The following TUSC3 variants were observed in gnomAD, a reference collection of about 807,000 sequenced individuals.
TUSC3 encodes the protein tumor suppressor candidate 3.
TUSC3 carries 45 observed loss-of-function variants against 44.8 expected under a neutral mutation model. The observed-to-expected ratio is 1.00, with a 90% CI of 0.79 to 1.29. TUSC3 has a LOEUF of 1.29. Ranked by LOEUF, TUSC3 falls within the 50% of genes most tolerant of loss-of-function variation. The probability of loss-of-function intolerance (pLI) is 0.00; values close to 1 mark genes in which losing one functional copy is unlikely to be tolerated. For synonymous variants in TUSC3, 212 were observed against 152.9 expected (o/e 1.39, Z -2.85); for missense variants, 519 against 437.9 (o/e 1.19, Z -1.65).
chr8:15,709,126 C>G (rs1274037746), intron 6 of TUSC3, among the ~76,000 whole-genome samples: 1 of 151,638 alleles, frequency 6.6e-6, no homozygotes, highest in Non-Finnish European at 1.5e-5. Context: ...AGAGGATAGC[C>G]AAATGTTAGA....
intron 2 of TUSC3, among the ~76,000 whole-genome samples, chr8:15,644,594 C>A (rs1365073884): frequency 3.3e-5 from 5 of 152,082 alleles, no homozygotes; most frequent in African/African-American, 9.7e-5. Context: ...GTTAGGTTTT[C>A]TCTGTCCCCT....
At chr8:15,827,447 T>C in the TUSC3 span, among the ~76,000 whole-genome samples, 1 of 152,178 alleles carries the variant, frequency 6.6e-6, no homozygotes, top group African/African-American at 2.4e-5. Context: ...GTGTTCAGTT[T>C]ACATTGGGTT....
chr8:15,514,519 C>G (rs1044678757), intron 2 of TUSC3, among the ~76,000 whole-genome samples: 1 of 152,074 alleles, frequency 6.6e-6, no homozygotes, highest in Non-Finnish European at 1.5e-5. Context: ...GTAGACTTAC[C>G]TTACAATCAT....
At chr8:15,837,546 T>C in the TUSC3 span, among the ~76,000 whole-genome samples, 1 of 152,240 alleles carries the variant, frequency 6.6e-6, no homozygotes, top group African/African-American at 2.4e-5. Context: ...TTTAGCAATA[T>C]TAATCATCAT....
At chr8:15,534,350 A>C (rs2129131026) in intron 2 of TUSC3, among the ~76,000 whole-genome samples, 1 of 152,256 alleles carries the variant, frequency 6.6e-6, no homozygotes, top group African/African-American at 2.4e-5. Flanking sequence ...TATCTGATAA[A>C]AACTTTAGCC....
rs1022780325 is a variant in TUSC3, at chr8:15,441,740, T to C, written n.91+24435T>C. ...ATATTATTACAGAGAACAGGGGGTA[T>C]GTATTGAAGCAGTGATGAAAGCTGA... On this transcript the variant is annotated intron_variant and non_coding_transcript_variant, in intron 1 of 5. Coordinates refer to the TUSC3 transcript ENST00000503191. 2.0e-5 allele frequency among the ~76,000 whole-genome samples: 3 copies of C among 151,932 alleles called. No individual in the cohort carries two copies. In the East Asian group the frequency reaches 5.8e-4, roughly 29 times the overall value.
intron 2 of TUSC3, among the ~76,000 whole-genome samples, chr8:15,491,632 C>G (rs77024184): frequency 0.022 from 3,423 of 152,258 alleles, 135 homozygotes; most frequent in African/African-American, 0.077. Flanking sequence ...AAGTGATTCT[C>G]TAACCCTTCT....
At chr8:15,849,577 G>T in the TUSC3 span, among the ~76,000 whole-genome samples, 24 of 152,250 alleles carry the variant, frequency 1.6e-4, no homozygotes, top group Admixed American at 4.6e-4. Flanking sequence ...AATCTCCCCT[G>T]CAACAAAGTG....
At chr8:15,425,268 GTT>G (rs1284591626) in intron 1 of TUSC3, among the ~76,000 whole-genome samples, 1 of 152,220 alleles carries the variant, frequency 6.6e-6, no homozygotes, top group Non-Finnish European at 1.5e-5. Context: ...CCCAGTTGAA[GTT>G]GGAAACTATA....
At chr8:15,804,901 A>G in the TUSC3 span, among the ~76,000 whole-genome samples, 1 of 152,120 alleles carries the variant, frequency 6.6e-6, no homozygotes, top group African/African-American at 2.4e-5. Context: ...ATGGCACTGA[A>G]TTTGTAGATT....
At chr8:15,608,125 G>C (rs1274705625) in intron 1 of TUSC3, among the ~76,000 whole-genome samples, 1 of 152,012 alleles carries the variant, frequency 6.6e-6, no homozygotes, top group Non-Finnish European at 1.5e-5. Flanking sequence ...TTCACATTTG[G>C]CTTTTACCAT....
At chr8:15,457,881 T>TA (rs1242927635) in intron 1 of TUSC3, among the ~76,000 whole-genome samples, 12 of 136,988 alleles carry the variant, frequency 8.8e-5, no homozygotes, top group Admixed American at 6.7e-4. Flanking sequence ...ATTAGATAAT[T>TA]ACTAATTAAT....
At chr8:15,774,239 C>A in the TUSC3 span, among the ~76,000 whole-genome samples, 1 of 123,840 alleles carries the variant, frequency 8.1e-6, no homozygotes, top group East Asian at 2.2e-4. Context: ...AATTTTGTCT[C>A]CTCAAAAAAG....
intron 1 of TUSC3, among the ~76,000 whole-genome samples, chr8:15,541,322 C>G (rs1470660771): frequency 6.6e-6 from 1 of 152,178 alleles, no homozygotes; most frequent in Non-Finnish European, 1.5e-5. Context: ...TTCTAATTAT[C>G]CATCATGGAT....
At chr8:15,509,540 T>G (rs1419019669) in intron 2 of TUSC3, among the ~76,000 whole-genome samples, 1 of 151,836 alleles carries the variant, frequency 6.6e-6, no homozygotes, top group Non-Finnish European at 1.5e-5. Context: ...TCCCAGAGGC[T>G]GAGGTTGCAG....
At chr8:15,585,467 C>A (rs754770451) in intron 1 of TUSC3, among the ~76,000 whole-genome samples, 1 of 152,148 alleles carries the variant, frequency 6.6e-6, no homozygotes, top group Non-Finnish European at 1.5e-5. Context: ...AAAAAGCTGT[C>A]TGCTGTGAAG....
At chr8:15,425,699 G>A (rs1415595883) in intron 1 of TUSC3, among the ~76,000 whole-genome samples, 3 of 152,166 alleles carry the variant, frequency 2.0e-5, no homozygotes, top group South Asian at 2.1e-4. Context: ...TATTCTCTAC[G>A]TTTTATTAAC....
At chr8:15,718,587 C>G (rs1810156253) in intron 6 of TUSC3, among the ~76,000 whole-genome samples, 1 of 152,022 alleles carries the variant, frequency 6.6e-6, no homozygotes, top group Admixed American at 6.6e-5. Flanking sequence ...TACACATCTT[C>G]TAAAGGAGAG....
intron 1 of TUSC3, among the ~76,000 whole-genome samples, chr8:15,457,682 A>C (rs543175499): frequency 1.3e-4 from 19 of 149,814 alleles, no homozygotes; most frequent in African/African-American, 3.4e-4. Flanking sequence ...ACAGCATTGC[A>C]TTCACAAAAT....
Sources: allele counts gnomAD v4.1 joint callset (sites outside exome capture counted in the v4.1 genomes callset), GRCh38; gene constraint gnomAD v4.1.1; transcripts MANE v1.5; gene names NCBI Gene and HGNC (gene_info 2026-07-23, HGNC 2026-07-21).